Variants in IRAK1BP1 observed in about 807,000 individuals in gnomAD.
IRAK1BP1 encodes interleukin 1 receptor associated kinase 1 binding protein 1.
In IRAK1BP1, 24 loss-of-function variants were observed where a neutral mutation model predicts 28.0. The ratio of observed to expected loss-of-function variants is 0.86; its 90% CI spans 0.62 to 1.20. The LOEUF (loss-of-function observed/expected upper bound fraction) is 1.20. Among genes scored for constraint, IRAK1BP1 ranks in the 50% most tolerant of loss-of-function variants. The pLI is 0.00. For synonymous variants in IRAK1BP1, 131 were observed against 116.3 expected, an observed-to-expected ratio of 1.13 and a Z score of -0.81; for missense variants, 336 against 316.7, an observed-to-expected ratio of 1.06 and a Z score of -0.46.
At chr6:78,873,474 G>C (rs1770871067) in intron 1 of IRAK1BP1, among the ~76,000 whole-genome samples, 1 of 151,496 alleles carries the variant, frequency 6.6e-6, no homozygotes, top group Admixed American at 6.6e-5. Context: ...CAAGCATAAA[G>C]CTATATAACT....
Position 78,899,193 on chromosome 6 carries a change from T to C in IRAK1BP1, c.*859T>C, listed in dbSNP as rs1167806404. 4 of 152,194 alleles carry C rather than the reference T, an allele frequency of 2.6e-5. No homozygotes were observed. The highest frequency in any genetic ancestry group is 6.5e-5 in the Admixed American group (1 of 15,278). The allele number at this position is 152,194 out of a possible 1,614,324, so 9.4% of individuals were successfully genotyped here. A position where few individuals can be genotyped will look rare whatever the true frequency, so the allele number is the denominator to read the frequency against. On this transcript the variant is annotated 3_prime_UTR_variant, in exon 4 of 4. Transcript: ENST00000369940. ...TGCTCTTTGCCTCATCCCTTATAGA[T>C]GCTCACTCAAAACTCAATACTGAGA...
At chr6:78,966,655 C>T in the IRAK1BP1 span, among the ~76,000 whole-genome samples, 1 of 152,202 alleles carries the variant, frequency 6.6e-6, no homozygotes, top group Non-Finnish European at 1.5e-5. Flanking sequence ...ATTTCCTTAT[C>T]CAATTGCTGT....
chr6:78,941,043 A>G (rs1773475891), intron 4 of IRAK1BP1: 2 of 1,614,044 alleles, frequency 1.2e-6, no homozygotes, highest in African/African-American at 1.3e-5. Context: ...TTTTTCTGTA[A>G]CAAATCTTCC....
At chr6:78,871,007 T>C (rs1770775692) in intron 1 of IRAK1BP1, among the ~76,000 whole-genome samples, 1 of 152,054 alleles carries the variant, frequency 6.6e-6, no homozygotes, top group Non-Finnish European at 1.5e-5. Flanking sequence ...CCTGGCCCAT[T>C]GTTCATTTTT....
chr6:78,897,310 A>T lies in IRAK1BP1; in HGVS notation c.382-519A>T, dbSNP rs182811718. On this transcript the variant is annotated intron_variant, in intron 2 of 3. Coordinates refer to ENST00000369940, the MANE Select transcript of IRAK1BP1 (RefSeq NM_001010844.4). ...GTTTAGTTCCCTTCATTGAAGACTT[A>T]ACAGACCGGTTTTAAAGTATTGCCG... is the stretch of plus-strand genomic sequence containing the variant. Among the ~76,000 whole-genome samples the T allele has an allele frequency of 6.4e-4, 98 of 152,022 alleles. 1 individual carries two copies. In the South Asian group the frequency reaches 8.1e-3, roughly 13 times the overall value.
chr6:78,882,295 C>T (rs1771257620), intron 1 of IRAK1BP1, among the ~76,000 whole-genome samples: 1 of 152,060 alleles, frequency 6.6e-6, no homozygotes, highest in Non-Finnish European at 1.5e-5. Flanking sequence ...TGAAAGAAGT[C>T]CCAATGGCCA....
In IRAK1BP1 at chr6:78,941,559, T is replaced by C. The variant is rs114882631; in HGVS notation, c.*68-3849T>C. Among the ~76,000 whole-genome samples the C allele has an allele frequency of 5.9e-3, 899 of 152,240 alleles. 4 individuals are homozygous for C. Among genetic ancestry groups the C allele is most frequent in the African/African-American group, 0.02 (829 of 41,564 alleles). Reference sequence around the variant, plus strand: ...GATCTCATGAGGGAGGTAAAGCTCATAGAAAATAAGTGACTTATCTAAGTT... The same window carrying C: ...GATCTCATGAGGGAGGTAAAGCTCACAGAAAATAAGTGACTTATCTAAGTT... On this transcript the variant is annotated intron_variant and NMD_transcript_variant, in intron 4 of 4. Transcript: ENST00000606868.
chr6:78,878,056 C>T (rs879327901), intron 1 of IRAK1BP1, among the ~76,000 whole-genome samples: 1 of 152,108 alleles, frequency 6.6e-6, no homozygotes, highest in Non-Finnish European at 1.5e-5. Flanking sequence ...CTGTAGACTC[C>T]ACCTCTGGGG....
intron 4 of IRAK1BP1, among the ~76,000 whole-genome samples, chr6:78,934,171 T>C (rs970475625): frequency 6.6e-6 from 1 of 152,140 alleles, no homozygotes; most frequent in Non-Finnish European, 1.5e-5. Context: ...ACACAGAACA[T>C]GTATTAACTA....
chr6:78,952,979 T>C, the IRAK1BP1 span, among the ~76,000 whole-genome samples: 1 of 152,142 alleles, frequency 6.6e-6, no homozygotes, highest in Non-Finnish European at 1.5e-5. Flanking sequence ...GAGAGGGTAC[T>C]AATATTTTCA....
At chr6:78,881,855 G>A (rs2127643635) in intron 1 of IRAK1BP1, among the ~76,000 whole-genome samples, 1 of 152,216 alleles carries the variant, frequency 6.6e-6, no homozygotes, top group African/African-American at 2.4e-5. Context: ...CTCACTATCA[G>A]AGAGGGAAGT....
Position 78,902,887 on chromosome 6 carries a change from A to C in IRAK1BP1, c.*4553A>C. 3.1e-6 allele frequency: 2 copies of C among 652,406 alleles called. No individual in the cohort carries two copies. Among genetic ancestry groups the C allele is most frequent in the Admixed American group, 2.8e-5 (1 of 36,218 alleles). 40.4% of individuals were successfully genotyped at this position (652,406 alleles called of 1,614,324 possible). ...TAATTCAAATCAGACACTGCTCTTC[A>C]AGAGAGGTAATATTAATAGAAATCT... On this transcript the variant is annotated 3_prime_UTR_variant, in exon 4 of 4. Coordinates refer to ENST00000369940, the MANE Select transcript of IRAK1BP1 (RefSeq NM_001010844.4).
chr6:78,948,408 G>T (rs1378129788), downstream of IRAK1BP1, among the ~76,000 whole-genome samples: 1 of 152,134 alleles, frequency 6.6e-6, no homozygotes, highest in African/African-American at 2.4e-5. Context: ...CGTGAAACAG[G>T]AAGAGCAACA....
At chr6:78,877,428 TA>T (rs1449710882) in intron 1 of IRAK1BP1, among the ~76,000 whole-genome samples, 3 of 152,198 alleles carry the variant, frequency 2.0e-5, no homozygotes. Context: ...TTTTACTATA[TA>T]GAGAAGCAAG....
rs1231274758 is a variant in IRAK1BP1, at chr6:78,909,949, C to A, written c.*67+6839C>A. 3.3e-5 allele frequency among the ~76,000 whole-genome samples: 5 copies of A among 151,934 alleles called. 1 individual carries two copies. Among genetic ancestry groups the A allele is most frequent in the African/African-American group, 1.2e-4 (5 of 41,314 alleles). Reference sequence around the variant, plus strand: ...ATCTTTTCATTACAGTATTCTGTTTCCCACAAAAATACAGGAAAAGGGTGG... The same window carrying A: ...ATCTTTTCATTACAGTATTCTGTTTACCACAAAAATACAGGAAAAGGGTGG... On this transcript the variant is annotated intron_variant and NMD_transcript_variant, in intron 4 of 4. Transcript: ENST00000606868.
intron 1 of IRAK1BP1, among the ~76,000 whole-genome samples, chr6:78,876,457 T>A (rs1468620353): frequency 6.6e-6 from 1 of 152,228 alleles, no homozygotes; most frequent in Non-Finnish European, 1.5e-5. Context: ...CTGCCTTTTG[T>A]ATTTAGAAAT....
intron 4 of IRAK1BP1, among the ~76,000 whole-genome samples, chr6:78,921,450 C>T (rs183429540): frequency 4.5e-4 from 69 of 152,350 alleles, no homozygotes; most frequent in African/African-American, 1.2e-3. Flanking sequence ...GTGGAGCCCA[C>T]GGCAGCTCAA....
At chr6:78,920,160 A>G (rs1457841201) in intron 4 of IRAK1BP1, among the ~76,000 whole-genome samples, 1 of 152,218 alleles carries the variant, frequency 6.6e-6, no homozygotes, top group African/African-American at 2.4e-5. Context: ...AGGCTGAGGT[A>G]GGAGAATGGC....
the IRAK1BP1 span, among the ~76,000 whole-genome samples, chr6:78,952,599 A>T: frequency 7.2e-5 from 11 of 151,816 alleles, no homozygotes; most frequent in African/African-American, 2.7e-4. Flanking sequence ...TCACACTCTT[A>T]ATCTCTTTAT....
Sources: gnomAD v4.1 joint callset for allele counts (sites outside exome capture counted in the v4.1 genomes callset) on GRCh38, gnomAD v4.1.1 for gene constraint, MANE v1.5 for transcripts, NCBI Gene and HGNC (gene_info 2026-07-23, HGNC 2026-07-21) for gene names.